NELL1: variants seen among roughly 807,000 people sequenced by gnomAD.
NELL1 encodes neural EGFL like 1, also known as protein kinase C-binding protein NELL1.
A neutral mutation model predicts 107.4 loss-of-function variants in NELL1; 76 were observed. That is an observed-to-expected ratio of 0.71 (90% confidence interval 0.59 to 0.86). NELL1 has a LOEUF of 0.86. Ranked by LOEUF, NELL1 falls within the 40% of genes least tolerant of loss-of-function variation. The pLI is 0.00. For missense variants in NELL1, 1,024 were observed against 1,005.5 expected (o/e 1.02, Z -0.25); for synonymous variants, 353 against 341.2 (o/e 1.03, Z -0.38).
At chr11:21,055,367 T>A (rs1314149196) in intron 12 of NELL1, among the ~76,000 whole-genome samples, 3 of 152,132 alleles carry the variant, frequency 2.0e-5, no homozygotes, top group Non-Finnish European at 4.4e-5. Flanking sequence ...AAATTTCAAA[T>A]ATACATTTTA....
At chr11:20,795,112 A>G (rs111793607) in intron 3 of NELL1, among the ~76,000 whole-genome samples, 5,128 of 152,320 alleles carry the variant, frequency 0.034, 285 homozygotes, top group African/African-American at 0.12. Context: ...CCAAAGGCAG[A>G]CATCTCTCTC....
chr11:21,351,910 A>C (rs555680189), intron 14 of NELL1, among the ~76,000 whole-genome samples: 4 of 152,296 alleles, frequency 2.6e-5, no homozygotes, highest in African/African-American at 9.6e-5. Flanking sequence ...CAGAACAATA[A>C]AATAAAGTCT....
intron 14 of NELL1, among the ~76,000 whole-genome samples, chr11:21,258,855 A>T (rs1858835744): frequency 6.6e-6 from 1 of 151,998 alleles, no homozygotes; most frequent in South Asian, 2.1e-4. Context: ...TGTGAAGCAT[A>T]GGCAGAGATA....
At chr11:21,005,375 T>G (rs1236523040) in intron 12 of NELL1, among the ~76,000 whole-genome samples, 2 of 152,154 alleles carry the variant, frequency 1.3e-5, no homozygotes, top group Non-Finnish European at 2.9e-5. Flanking sequence ...ACAGAGTGAA[T>G]GTGGTTTTAT....
intron 14 of NELL1, among the ~76,000 whole-genome samples, chr11:21,365,024 A>G (rs991822086): frequency 1.3e-5 from 2 of 152,214 alleles, no homozygotes; most frequent in Non-Finnish European, 2.9e-5. Flanking sequence ...CAAAAAGCCC[A>G]TTCATTCTTC....
intron 13 of NELL1, among the ~76,000 whole-genome samples, chr11:21,197,100 A>G (rs1352391296): frequency 2.6e-5 from 4 of 151,502 alleles, no homozygotes; most frequent in African/African-American, 9.7e-5. Flanking sequence ...GGTGGTCTCA[A>G]ACTCCTGACC....
intron 14 of NELL1, among the ~76,000 whole-genome samples, chr11:21,345,067 C>G (rs1462692503): frequency 1.3e-5 from 2 of 152,172 alleles, no homozygotes; most frequent in Non-Finnish European, 1.5e-5. Context: ...TTCTGTGATT[C>G]ATGTTGTAGC....
chr11:21,441,233 C>T (rs1488151594), intron 15 of NELL1, among the ~76,000 whole-genome samples: 1 of 151,666 alleles, frequency 6.6e-6, no homozygotes, highest in Non-Finnish European at 1.5e-5. Flanking sequence ...CTTGTTTTGC[C>T]TTTTTAAAAA....
At chr11:20,935,469 G>A (rs1427119849) in intron 9 of NELL1, among the ~76,000 whole-genome samples, 1 of 152,158 alleles carries the variant, frequency 6.6e-6, no homozygotes, top group Non-Finnish European at 1.5e-5. Flanking sequence ...ATGTGGAGGT[G>A]TGGATGTTTT....
At chr11:21,478,015 C>T (rs1854393683) in intron 15 of NELL1, among the ~76,000 whole-genome samples, 1 of 151,826 alleles carries the variant, frequency 6.6e-6, no homozygotes. Context: ...AAAGATACTA[C>T]CAGAAAATGG....
chr11:21,010,507 CA>C (rs910842772), intron 12 of NELL1, among the ~76,000 whole-genome samples: 3 of 152,034 alleles, frequency 2.0e-5, no homozygotes, highest in Non-Finnish European at 4.4e-5. Context: ...GACCAGTGTG[CA>C]AAATCTCCAT....
chr11:20,903,860 T>G (rs1215898814), intron 5 of NELL1, among the ~76,000 whole-genome samples: 1 of 152,036 alleles, frequency 6.6e-6, no homozygotes, highest in Admixed American at 6.6e-5. Flanking sequence ...AGCAACCGAG[T>G]GAATGCTGAA....
intron 15 of NELL1, among the ~76,000 whole-genome samples, chr11:21,420,367 T>G (rs1328556044): frequency 1.3e-5 from 2 of 151,762 alleles, no homozygotes; most frequent in Non-Finnish European, 2.9e-5. Flanking sequence ...ATATAAATGA[T>G]AGTAAAGGAG....
At chr11:20,674,279 T>G (rs1015477624) in intron 1 of NELL1, among the ~76,000 whole-genome samples, 6 of 152,102 alleles carry the variant, frequency 3.9e-5, no homozygotes, top group Non-Finnish European at 8.8e-5. Context: ...TTTTTATGAT[T>G]CCAGTGGAAT....
At chr11:21,191,185 T>TA (rs1857041474) in intron 13 of NELL1, among the ~76,000 whole-genome samples, 5 of 151,838 alleles carry the variant, frequency 3.3e-5, no homozygotes, top group Admixed American at 3.3e-4. Flanking sequence ...TTAAGGTTGC[T>TA]AATCAGCTGA....
chr11:21,279,487 A>G (rs1269027606), intron 14 of NELL1, among the ~76,000 whole-genome samples: 1 of 152,194 alleles, frequency 6.6e-6, no homozygotes, highest in Non-Finnish European at 1.5e-5. Context: ...GGTAGCTAAT[A>G]AACATATGAG....
intron 15 of NELL1, among the ~76,000 whole-genome samples, chr11:21,436,067 AT>A (rs1853111268): frequency 6.6e-6 from 1 of 151,652 alleles, no homozygotes; most frequent in Non-Finnish European, 1.5e-5. Flanking sequence ...TTATGTATTT[AT>A]TTATTTAGAC....
At chr11:21,132,728 C>T (rs149633892) in intron 13 of NELL1, among the ~76,000 whole-genome samples, 3 of 152,120 alleles carry the variant, frequency 2.0e-5, no homozygotes, top group Non-Finnish European at 4.4e-5. Flanking sequence ...ATCTGGGCTC[C>T]CTGAAGGGTC....
chr11:21,500,593 C>T (rs1855113157), intron 15 of NELL1, among the ~76,000 whole-genome samples: 1 of 152,060 alleles, frequency 6.6e-6, no homozygotes, highest in African/African-American at 2.4e-5. Context: ...GATCTGTATA[C>T]ATTTTATTTT....
Sources: allele counts gnomAD v4.1 joint callset (sites outside exome capture counted in the v4.1 genomes callset), GRCh38; gene constraint gnomAD v4.1.1; transcripts MANE v1.5; gene names NCBI Gene and HGNC (gene_info 2026-07-23, HGNC 2026-07-21).